The following PTPRD variants were observed in gnomAD, a reference collection of about 807,000 sequenced individuals.
PTPRD encodes receptor-type tyrosine-protein phosphatase delta.
Under a neutral mutation model 214.5 loss-of-function variants are expected in PTPRD, and 34 were observed. The ratio of observed to expected loss-of-function variants is 0.16; its 90% CI spans 0.12 to 0.21. The LOEUF is 0.21. PTPRD is among the 10% of genes least tolerant of loss of function. The pLI is 1.00. For synonymous variants in PTPRD, 1,128 were observed against 845.7 expected, an observed-to-expected ratio of 1.33 and a Z score of -5.79; for missense variants, 2,545 against 2,398.7, an observed-to-expected ratio of 1.06 and a Z score of -1.27.
At chr9:8,623,844 A>C (rs564040674) in intron 14 of PTPRD, among the ~76,000 whole-genome samples, 1 of 151,822 alleles carries the variant, frequency 6.6e-6, no homozygotes, top group Non-Finnish European at 1.5e-5. Flanking sequence ...CCATAACTAC[A>C]CCTTCTATCA....
At chr9:10,569,745 C>G (rs1035729674) in intron 2 of PTPRD, among the ~76,000 whole-genome samples, 1 of 151,986 alleles carries the variant, frequency 6.6e-6, no homozygotes, top group Non-Finnish European at 1.5e-5. Context: ...GCATTTTATT[C>G]AATCATGTGA....
chr9:10,553,003 G>C (rs1448341644), intron 2 of PTPRD, among the ~76,000 whole-genome samples: 2 of 152,158 alleles, frequency 1.3e-5, no homozygotes, highest in Non-Finnish European at 2.9e-5. Context: ...TTTATTTACA[G>C]TTCAAAGTGG....
At chr9:10,020,579 G>C (rs1276056889) in intron 4 of PTPRD, among the ~76,000 whole-genome samples, 3 of 69,046 alleles carry the variant, frequency 4.3e-5, no homozygotes, top group Admixed American at 1.7e-4. Context: ...AATATTCTTA[G>C]AAATACATGC....
intron 8 of PTPRD, among the ~76,000 whole-genome samples, chr9:9,571,956 T>C (rs557872521): frequency 7.3e-5 from 11 of 151,242 alleles, no homozygotes; most frequent in Non-Finnish European, 1.6e-4. Flanking sequence ...GTTTAAACGA[T>C]ATTATGGTTT....
intron 39 of PTPRD, among the ~76,000 whole-genome samples, chr9:8,355,340 T>G (rs373590602): frequency 6.6e-6 from 1 of 152,180 alleles, no homozygotes; most frequent in African/African-American, 2.4e-5. Flanking sequence ...CAAATAAACC[T>G]CTTTTCTTCA....
chr9:9,963,096 T>G (rs2094468333), intron 4 of PTPRD, among the ~76,000 whole-genome samples: 1 of 152,052 alleles, frequency 6.6e-6, no homozygotes, highest in African/African-American at 2.4e-5. Context: ...TAATTTGACT[T>G]TAGTAACAAG....
chr9:9,800,067 G>C (rs35772667), intron 5 of PTPRD, among the ~76,000 whole-genome samples: 3 of 152,098 alleles, frequency 2.0e-5, no homozygotes, highest in Non-Finnish European at 4.4e-5. Flanking sequence ...TTGAATTCCC[G>C]AAGAGATTTC....
At chr9:8,897,151 G>A (rs1473611085) in intron 11 of PTPRD, among the ~76,000 whole-genome samples, 2 of 152,080 alleles carry the variant, frequency 1.3e-5, no homozygotes, top group Non-Finnish European at 2.9e-5. Flanking sequence ...AGAGACAGAG[G>A]CCAAAATCTA....
rs1001666292 is a variant in PTPRD, at chr9:9,469,478, G to A, written c.-236-71996C>T. On this transcript the variant is annotated intron_variant, in intron 8 of 45. Transcript: ENST00000381196. ...CTCTGTGGTTAAAAACCCATCTACTGAGCTTGAGACAGAGGCTTTCTACTT... is the reference window on the plus strand; with the variant it reads ...CTCTGTGGTTAAAAACCCATCTACTAAGCTTGAGACAGAGGCTTTCTACTT... Among the ~76,000 whole-genome samples the A allele has an allele frequency of 5.3e-5, 8 of 152,070 alleles. 1 individual carries two copies. The highest frequency in any genetic ancestry group is 1.2e-4 in the Non-Finnish European group (8 of 68,010).
chr9:8,919,328 G>T (rs960344300), intron 11 of PTPRD, among the ~76,000 whole-genome samples: 3 of 151,376 alleles, frequency 2.0e-5, no homozygotes, highest in Non-Finnish European at 2.9e-5. Context: ...GGGGGGTGGA[G>T]GTGCAGTGAG....
At chr9:9,568,265 T>C (rs1317260243) in intron 8 of PTPRD, among the ~76,000 whole-genome samples, 1 of 151,910 alleles carries the variant, frequency 6.6e-6, no homozygotes, top group Non-Finnish European at 1.5e-5. Flanking sequence ...TCAAAATTCA[T>C]AGTGCACATC....
chr9:10,587,367 A>T (rs1257673031), intron 2 of PTPRD, among the ~76,000 whole-genome samples: 1 of 152,152 alleles, frequency 6.6e-6, no homozygotes, highest in South Asian at 2.1e-4. Flanking sequence ...CTCAATGAGA[A>T]TAATTCATTG....
chr9:10,211,334 A>T (rs2099515917), intron 3 of PTPRD, among the ~76,000 whole-genome samples: 1 of 152,182 alleles, frequency 6.6e-6, no homozygotes, highest in East Asian at 1.9e-4. Context: ...TCTGAAGACA[A>T]ATCTATGAAA....
chr9:8,552,363 C>T (rs1166859806), intron 14 of PTPRD, among the ~76,000 whole-genome samples: 4 of 152,140 alleles, frequency 2.6e-5, no homozygotes, highest in Non-Finnish European at 2.9e-5. Flanking sequence ...TCAGAACGGA[C>T]CAGCGTGAGA....
intron 9 of PTPRD, among the ~76,000 whole-genome samples, chr9:9,211,576 C>T (rs2099948743): frequency 6.7e-6 from 1 of 149,986 alleles, no homozygotes; most frequent in Middle Eastern, 3.5e-3. Flanking sequence ...AAGGTTTCTT[C>T]TCAATGATAT....
chr9:10,505,785 G>A (rs2045744735), intron 2 of PTPRD, among the ~76,000 whole-genome samples: 1 of 151,912 alleles, frequency 6.6e-6, no homozygotes, highest in Non-Finnish European at 1.5e-5. Context: ...TGAGGAAAAA[G>A]CATGTACATC....
chr9:8,548,272 G>T (rs1282445283), intron 14 of PTPRD, among the ~76,000 whole-genome samples: 2 of 152,170 alleles, frequency 1.3e-5, no homozygotes, highest in South Asian at 4.1e-4. Context: ...TGCAAGGTCT[G>T]TTGAAGGATG....
At chr9:9,144,821 C>A (rs1300002377) in intron 10 of PTPRD, among the ~76,000 whole-genome samples, 3 of 151,910 alleles carry the variant, frequency 2.0e-5, no homozygotes, top group African/African-American at 7.3e-5. Flanking sequence ...CAAACAAAAT[C>A]TTTAATGGCA....
At chr9:10,254,792 A>AG (rs2093106559) in intron 3 of PTPRD, among the ~76,000 whole-genome samples, 1 of 152,200 alleles carries the variant, frequency 6.6e-6, no homozygotes, top group South Asian at 2.1e-4. Flanking sequence ...CAGAATTTCT[A>AG]TAAGCTATGC....
Sources: gnomAD v4.1 joint callset for allele counts (sites outside exome capture counted in the v4.1 genomes callset) on GRCh38, gnomAD v4.1.1 for gene constraint, MANE v1.5 for transcripts, NCBI Gene and HGNC (gene_info 2026-07-23, HGNC 2026-07-21) for gene names.